The following MRPS17 variants were observed in gnomAD, a reference collection of about 807,000 sequenced individuals.
The protein encoded by MRPS17 is small ribosomal subunit protein uS17m.
Under a neutral mutation model 11.3 loss-of-function variants are expected in MRPS17, and 6 were observed. The ratio of observed to expected loss-of-function variants is 0.53; its 90% CI spans 0.29 to 1.05. MRPS17 has a LOEUF of 1.05. MRPS17 is among the 50% of genes least tolerant of loss of function. MRPS17 has a pLI of 0.08. For missense variants in MRPS17, 139 were observed against 153.6 expected, an observed-to-expected ratio of 0.90 and a Z score of 0.50; for synonymous variants, 56 against 60.4, an observed-to-expected ratio of 0.93 and a Z score of 0.34.
Position 55,954,958 on chromosome 7 carries a change from GCA to G in MRPS17, c.176_177del (p.Thr59SerfsTer21). 2 of 1,614,152 alleles carry G rather than the reference GCA, an allele frequency of 1.2e-6. No homozygotes were observed. Among genetic ancestry groups the G allele is most frequent in the African/African-American group, 1.3e-5 (1 of 75,032 alleles). ...TTTGCTCACGATGCCCTTCAGCAGT[GCA>G]CAGTTGGGGATATTGTGCTTCTCAG... On this transcript the variant is annotated frameshift_variant, in exon 3 of 3. Transcript: ENST00000285298. LOFTEE classifies it high-confidence loss of function.
Position 55,953,208 on chromosome 7 carries a change from C to A in MRPS17, c.13C>A (p.Arg5Ser). The A allele has an allele frequency of 1.2e-6, 2 of 1,614,086 alleles. No individual in the cohort carries two copies. The highest frequency in any genetic ancestry group is 1.7e-6 in the Non-Finnish European group (2 of 1,180,028). Residue 5 changes from arginine to serine, a missense_variant, in exon 2 of 3, where the codon CGC becomes AGC. Transcript: ENST00000285298. ...CCAAAGCCACGTAATGTCCGTAGTTCGCTCATCCGTCCATGCCAGATGGAT... is the reference window on the plus strand; with the variant it reads ...CCAAAGCCACGTAATGTCCGTAGTTAGCTCATCCGTCCATGCCAGATGGAT... MSVV[R>S]SSVHARWIVG...
At position 55,953,421 on chromosome 7, in the gene MRPS17, C is replaced by T. The variant is rs1786678367; in HGVS notation, c.123+103C>T. On this transcript the variant is annotated intron_variant, in intron 2 of 2. Transcript: ENST00000285298. ...CTCTCAGTAAAGATGTCTTGTCTCT[C>T]ATCTGCTTTGAGCCAGGCATTTTGC... The T allele has an allele frequency of 2.0e-6, 3 of 1,505,694 alleles. No individual in the cohort carries two copies. The East Asian group carries it at 6.8e-5, about 34-fold the overall frequency. 93.3% of individuals were successfully genotyped at this position (1,505,694 alleles called of 1,614,324 possible).
chr7:55,952,555 T>G, intron 1 of MRPS17, among the ~76,000 whole-genome samples: 1 of 148,646 alleles, frequency 6.7e-6, no homozygotes, highest in Non-Finnish European at 1.5e-5. Flanking sequence ...GCCAACATGG[T>G]GAAACTCTGT....
At position 55,955,600 on chromosome 7, in the gene MRPS17, A is replaced by ATT. The variant is rs35194140; in HGVS notation, c.*440_*441dup. On this transcript the variant is annotated 3_prime_UTR_variant, in exon 3 of 3. Transcript: ENST00000285298. ...AGGCGCCTGCCACCATGCCCAGCTA[A>ATT]TTTTTTTTTTTTTTTTTTTGGTATT... The ATT allele has an allele frequency of 1.4e-4, 19 of 137,102 alleles. No homozygotes were observed. Among genetic ancestry groups the ATT allele is most frequent in the East Asian group, 4.4e-4 (2 of 4,588 alleles). The allele number at this position is 137,102 out of a possible 1,614,324, so 8.5% of individuals were successfully genotyped here.
At chr7:55,952,627 C>T (rs1220687837) in intron 1 of MRPS17, among the ~76,000 whole-genome samples, 2 of 151,900 alleles carry the variant, frequency 1.3e-5, no homozygotes, top group African/African-American at 4.8e-5. Flanking sequence ...CCCGGCTACT[C>T]GGGAGGCTGA....
rs940598297 is a variant in MRPS17, at chr7:55,956,105, C to T, written c.*927C>T. 2.0e-5 allele frequency: 3 copies of T among 151,900 alleles called. No homozygotes were observed. Among genetic ancestry groups the T allele is most frequent in the East Asian group, 3.9e-4 (2 of 5,154 alleles). 9.4% of individuals were successfully genotyped at this position (151,900 alleles called of 1,614,324 possible). ...AGGAATTTTGAATTTATCTTAGAAC[C>T]TTTATTTTGAAGGAAGAAAGTCTTT... On this transcript the variant is annotated 3_prime_UTR_variant, in exon 3 of 3. Coordinates refer to ENST00000285298, the MANE Select transcript of MRPS17 (RefSeq NM_015969.3).
intron 2 of MRPS17, 98 bp from the exon 3 acceptor site, chr7:55,954,811 C>G: frequency 7.0e-7 from 1 of 1,424,620 alleles, no homozygotes; most frequent in Non-Finnish European, 9.6e-7. Context: ...TTTCCTAAGT[C>G]CTGGCTTGTT....
In MRPS17 at chr7:55,955,435, TCA is replaced by T. The variant is rs780331197; in HGVS notation, c.*260_*261del. On this transcript the variant is annotated 3_prime_UTR_variant, in exon 3 of 3. Coordinates refer to ENST00000285298, the MANE Select transcript of MRPS17 (RefSeq NM_015969.3). ...TAGCAGTCTGTTGCATTTTGTAAGC[TCA>T]CAGTTTTTTGTTTTGAGATGGAATC... The T allele has an allele frequency of 6.9e-5, 29 of 422,932 alleles. No homozygotes were observed. Among genetic ancestry groups the T allele is most frequent in the Admixed American group, 1.6e-4 (4 of 24,262 alleles). 26.2% of individuals were successfully genotyped at this position (422,932 alleles called of 1,614,324 possible).
In MRPS17 at chr7:55,955,600, A is replaced by AT. The variant is rs35194140; in HGVS notation, c.*441dup. 0.015 allele frequency: 2,019 copies of AT among 137,078 alleles called. 23 individuals carry two copies. The highest frequency in any genetic ancestry group is 0.042 in the Middle Eastern group (11 of 262). The allele number at this position is 137,078 out of a possible 1,614,324, so 8.5% of individuals were successfully genotyped here. ...AGGCGCCTGCCACCATGCCCAGCTA[A>AT]TTTTTTTTTTTTTTTTTTTGGTATT... On this transcript the variant is annotated 3_prime_UTR_variant, in exon 3 of 3. Transcript: ENST00000285298.
In MRPS17 at chr7:55,956,478, G is replaced by C. The variant is rs1786728635; in HGVS notation, c.*1300G>C. 1 of 152,128 alleles carries C rather than the reference G, an allele frequency of 6.6e-6. No individual in the cohort carries two copies. Among genetic ancestry groups the C allele is most frequent in the Admixed American group, 6.6e-5 (1 of 15,266 alleles). The allele number at this position is 152,128 out of a possible 1,614,324, so 9.4% of individuals were successfully genotyped here. A position where few individuals can be genotyped will look rare whatever the true frequency, so the allele number is the denominator to read the frequency against. On this transcript the variant is annotated 3_prime_UTR_variant, in exon 3 of 3. Transcript: ENST00000285298. ...GTGTTAATAAGAATATTGATGTGTG[G>C]AAAATAAAATTTTACAATTCTGTGC... is the stretch of plus-strand genomic sequence containing the variant.
In MRPS17 at chr7:55,953,240, G is replaced by A. The variant is rs764630229; in HGVS notation, c.45G>A (p.Gly15=). The A allele has an allele frequency of 1.6e-5, 26 of 1,614,066 alleles. No homozygotes were observed. The highest frequency in any genetic ancestry group is 2.1e-5 in the Non-Finnish European group (25 of 1,180,042). The stretch of plus-strand genomic sequence containing the variant: ...CCGTCCATGCCAGATGGATTGTGGG[G>A]AAGGTGATTGGGACAAAAATGCAAA... The part of the protein sequence containing the change: ...RSSVHARWIV[G]KVIGTKMQKT... Residue 15 remains glycine (G), a synonymous_variant, in exon 2 of 3, where the codon GGG becomes GGA. Coordinates refer to ENST00000285298, the MANE Select transcript of MRPS17 (RefSeq NM_015969.3).
intron 2 of MRPS17, among the ~76,000 whole-genome samples, chr7:55,953,619 C>G (rs540388063): frequency 6.6e-6 from 1 of 152,124 alleles, no homozygotes; most frequent in Non-Finnish European, 1.5e-5. Flanking sequence ...ATCAGGAGTT[C>G]GAGACCAGTC....
intron 2 of MRPS17, among the ~76,000 whole-genome samples, chr7:55,953,557 C>T (rs145302804): frequency 2.0e-5 from 3 of 152,306 alleles, no homozygotes; most frequent in Non-Finnish European, 4.4e-5. Context: ...TGAGGTGGCT[C>T]ACACCTGTAA....
chr7:55,953,640 G>A (rs1259921863), intron 2 of MRPS17, among the ~76,000 whole-genome samples: 3 of 152,142 alleles, frequency 2.0e-5, no homozygotes, highest in Non-Finnish European at 4.4e-5. Flanking sequence ...TGGCCAACGT[G>A]GTGAAACCCC....
rs1352618260 is a variant in MRPS17 at position 55,952,749 on chromosome 7, T to C, written c.-17-430T>C. Among the ~76,000 whole-genome samples the C allele has an allele frequency of 4.1e-5, 5 of 123,340 alleles. No homozygotes were observed. In the East Asian group the frequency reaches 1.0e-3, roughly 25 times the overall value. 80.9% of individuals were successfully genotyped at this position (123,340 alleles called of 152,430 possible). A position where few individuals can be genotyped will look rare whatever the true frequency, so the allele number is the denominator to read the frequency against. Reference sequence around the variant, plus strand: ...AACTTCATCTAAAGAAAAATACATATGGCCGGGCGCGGTGGCTCACGCCTG... The same window carrying C: ...AACTTCATCTAAAGAAAAATACATACGGCCGGGCGCGGTGGCTCACGCCTG... On this transcript the variant is annotated intron_variant, in intron 1 of 2. Coordinates refer to ENST00000285298, the MANE Select transcript of MRPS17 (RefSeq NM_015969.3).
At chr7:55,953,412 C>T (rs1337876999) in intron 2 of MRPS17, 94 bp downstream of exon 2, 3 of 1,532,192 alleles carry the variant, frequency 2.0e-6, no homozygotes, top group Non-Finnish European at 2.6e-6. Flanking sequence ...GTAAAGATGT[C>T]TTGTCTCTCA....
Position 55,955,295 on chromosome 7 carries a change from T to C in MRPS17, c.*117T>C. 2 of 1,276,076 alleles carry C rather than the reference T, an allele frequency of 1.6e-6. No individual in the cohort carries two copies. The highest frequency in any genetic ancestry group is 2.2e-6 in the Non-Finnish European group (2 of 929,588). The allele number at this position is 1,276,076 out of a possible 1,614,324, so 79.0% of individuals were successfully genotyped here. On this transcript the variant is annotated 3_prime_UTR_variant, in exon 3 of 3. Coordinates refer to ENST00000285298, the MANE Select transcript of MRPS17 (RefSeq NM_015969.3). The stretch of plus-strand genomic sequence containing the variant: ...CAGTTTCTCTGTGGTGTTTATGAAA[T>C]AGCTAAAAGCAAATGAAGTAAAGGG...
At chr7:55,953,863 A>G (rs1012881194) in intron 2 of MRPS17, among the ~76,000 whole-genome samples, 3 of 152,146 alleles carry the variant, frequency 2.0e-5, no homozygotes, top group African/African-American at 7.2e-5. Context: ...ATAGGAATCT[A>G]ATGCCGCTGC....
intron 1 of MRPS17, 150 bp from the exon 2 acceptor site, chr7:55,953,029 C>G: frequency 2.2e-6 from 2 of 902,158 alleles, no homozygotes; most frequent in Non-Finnish European, 3.4e-6. Flanking sequence ...GAGACTACAT[C>G]TAAAAAAAAA....
Sources: allele counts gnomAD v4.1 joint callset (sites outside exome capture counted in the v4.1 genomes callset), GRCh38; gene constraint gnomAD v4.1.1; transcripts MANE v1.5; gene names NCBI Gene and HGNC (gene_info 2026-07-23, HGNC 2026-07-21).